GLI3: variants seen among roughly 807,000 people sequenced by gnomAD.
The protein encoded by GLI3 is transcription activator GLI3.
GLI3 carries 20 observed loss-of-function variants against 100.8 expected under a neutral mutation model. The observed-to-expected ratio is 0.20, with a 90% CI of 0.14 to 0.29. The LOEUF (loss-of-function observed/expected upper bound fraction) is 0.29, where lower values mean the gene tolerates loss of function less well. GLI3 is among the 10% of genes least tolerant of loss of function. GLI3 has a pLI of 1.00. For synonymous variants in GLI3, 938 were observed against 860.5 expected (o/e 1.09, Z -1.58); for missense variants, 2,040 against 2,128.5 (o/e 0.96, Z 0.82).
chr7:42,142,595 G>C (rs1786595362), intron 3 of GLI3, among the ~76,000 whole-genome samples: 1 of 152,094 alleles, frequency 6.6e-6, no homozygotes, highest in African/African-American at 2.4e-5. Context: ...GAGATACGCA[G>C]ACTCACGGTC....
intron 3 of GLI3, among the ~76,000 whole-genome samples, chr7:42,092,793 A>G (rs1785251946): frequency 7.2e-6 from 1 of 138,482 alleles, no homozygotes; most frequent in Admixed American, 8.0e-5. Context: ...CATTTTATTT[A>G]TTTATTTATT....
chr7:42,128,018 CAAA>C (rs762509904), intron 3 of GLI3, among the ~76,000 whole-genome samples: 2 of 85,012 alleles, frequency 2.4e-5, no homozygotes, highest in African/African-American at 5.4e-5. Context: ...GACCCTGACT[CAAA>C]AAAAAAAAAA....
chr7:42,074,512 G>C (rs1784840915), intron 4 of GLI3, among the ~76,000 whole-genome samples: 1 of 152,230 alleles, frequency 6.6e-6, no homozygotes, highest in Non-Finnish European at 1.5e-5. Flanking sequence ...GCGAGTCTCT[G>C]GGACGGCCCT....
At chr7:41,978,557 G>A (rs200531799) in intron 11 of GLI3, 42 bp downstream of exon 11, 25 of 1,603,630 alleles carry the variant, frequency 1.6e-5, no homozygotes, top group Non-Finnish European at 2.0e-5. Context: ...TATGAGTATG[G>A]GGAAGGACCC....
chr7:41,974,280 G>A (rs991395203), intron 12 of GLI3, among the ~76,000 whole-genome samples: 14 of 152,174 alleles, frequency 9.2e-5, no homozygotes, highest in African/African-American at 3.1e-4. Flanking sequence ...ACCTGTGCCC[G>A]TGTGCCCTTG....
At chr7:42,055,601 T>C (rs1238627589) in intron 4 of GLI3, among the ~76,000 whole-genome samples, 1 of 152,136 alleles carries the variant, frequency 6.6e-6, no homozygotes, top group Non-Finnish European at 1.5e-5. Flanking sequence ...TTTGACTGTA[T>C]TAGGGGCTTT....
chr7:42,147,190 C>A (rs1394658664), intron 3 of GLI3, among the ~76,000 whole-genome samples: 1 of 152,144 alleles, frequency 6.6e-6, no homozygotes, highest in Non-Finnish European at 1.5e-5. Context: ...TGAGCATTCC[C>A]CTTTGCTGCA....
intron 13 of GLI3, among the ~76,000 whole-genome samples, chr7:41,969,151 T>A (rs1787302808): frequency 1.3e-5 from 2 of 152,196 alleles, no homozygotes; most frequent in African/African-American, 4.8e-5. Context: ...CGAATCCTTT[T>A]TGTACAGATA....
chr7:42,120,553 A>G (rs1328088066), intron 3 of GLI3, among the ~76,000 whole-genome samples: 1 of 152,246 alleles, frequency 6.6e-6, no homozygotes, highest in Non-Finnish European at 1.5e-5. Flanking sequence ...AGTATTTATT[A>G]AAATGCATCG....
At chr7:42,251,560 C>A (rs1004751022) in intron 1 of GLI3, among the ~76,000 whole-genome samples, 1 of 152,006 alleles carries the variant, frequency 6.6e-6, no homozygotes, top group Non-Finnish European at 1.5e-5. Context: ...AAATGACACA[C>A]ACTAGGCTAA....
rs1472470001 is a variant in GLI3, at chr7:41,966,515, G to C, written c.2558C>G (p.Thr853Ser). 1 of 1,613,754 alleles carries C rather than the reference G, an allele frequency of 6.2e-7. No individual in the cohort carries two copies. The part of the protein sequence containing the change: ...MLNRRDSSAS[T>S]ISSAYLSSRR... ...GCTGCTCAGGTAGGCCGAGCTGATG[G>C]TGCTGGCGCTGCTGTCCCTTCTGTT... Residue 853 changes from threonine (T) to serine (S), a missense_variant, in exon 15 of 15, where the codon ACC becomes AGC. Thr to Ser is a moderately conservative substitution (Grantham distance 58). Coordinates refer to ENST00000395925, the MANE Select transcript of GLI3 (RefSeq NM_000168.6). This position sits in a 1 kb window ranked among gnomAD's most constrained non-coding sequence, Gnocchi z 5.8.
intron 7 of GLI3, among the ~76,000 whole-genome samples, chr7:42,030,501 C>G (rs548948770): frequency 1.3e-5 from 2 of 152,218 alleles, no homozygotes; most frequent in East Asian, 3.9e-4. Flanking sequence ...ATTACACAAA[C>G]GAAGCTAGTG....
intron 2 of GLI3, among the ~76,000 whole-genome samples, chr7:42,161,729 G>A (rs1198751297): frequency 6.6e-6 from 1 of 152,192 alleles, no homozygotes; most frequent in African/African-American, 2.4e-5. Flanking sequence ...ATGACCTAGT[G>A]TGGCACATAC....
chr7:42,164,626 C>G (rs991549430), intron 2 of GLI3, among the ~76,000 whole-genome samples: 1 of 151,790 alleles, frequency 6.6e-6, no homozygotes, highest in Non-Finnish European at 1.5e-5. Flanking sequence ...GTCAGGAGAT[C>G]GAGACCATCC....
chr7:42,207,789 G>A (rs1171838415), intron 2 of GLI3, among the ~76,000 whole-genome samples: 1 of 152,194 alleles, frequency 6.6e-6, no homozygotes, highest in African/African-American at 2.4e-5. Flanking sequence ...TCCAAGTGGT[G>A]AGATTCCAGG....
At chr7:42,049,578 T>TAA in intron 4 of GLI3, among the ~76,000 whole-genome samples, 1 of 152,328 alleles carries the variant, frequency 6.6e-6, no homozygotes, top group East Asian at 1.9e-4. Context: ...TTTTGGTTAA[T>TAA]AAAAATAAAT....
chr7:42,012,382 C>A (rs141010787), intron 10 of GLI3, among the ~76,000 whole-genome samples: 19 of 151,976 alleles, frequency 1.3e-4, no homozygotes, highest in African/African-American at 4.6e-4. Context: ...TCCTCTCCCC[C>A]CTCCCTTTTC....
intron 1 of GLI3, among the ~76,000 whole-genome samples, chr7:42,235,467 ACT>A (rs1295519356): frequency 6.6e-6 from 1 of 151,830 alleles, no homozygotes; most frequent in East Asian, 1.9e-4. Flanking sequence ...TCAAGCTGAA[ACT>A]CTTTTATTTT....
chr7:41,992,525 T>C (rs1194400418), intron 10 of GLI3, among the ~76,000 whole-genome samples: 4 of 152,122 alleles, frequency 2.6e-5, no homozygotes, highest in African/African-American at 9.7e-5. Context: ...ATGTTATCTT[T>C]GGTAAACTAA....
Sources: allele counts gnomAD v4.1 joint callset (sites outside exome capture counted in the v4.1 genomes callset), GRCh38; gene constraint gnomAD v4.1.1; non-coding constraint Gnocchi (gnomAD v3.1); transcripts MANE v1.5; gene names NCBI Gene and HGNC (gene_info 2026-07-23, HGNC 2026-07-21).